The following BABAM2 variants were observed in gnomAD, a reference collection of about 807,000 sequenced individuals.
The protein encoded by BABAM2 is BRISC and BRCA1 A complex member 2, also known as BRISC and BRCA1-A complex member 2.
In BABAM2, 31 loss-of-function variants were observed where a neutral mutation model predicts 54.7. The observed-to-expected ratio is 0.57, with a 90% CI of 0.43 to 0.77. BABAM2 has a LOEUF of 0.77. BABAM2 is among the 30% of genes least tolerant of loss of function. The pLI, the probability that BABAM2 is intolerant of heterozygous loss-of-function variation, is 0.00. For missense variants in BABAM2, 364 were observed against 455.8 expected, an observed-to-expected ratio of 0.80 and a Z score of 1.83; for synonymous variants, 167 against 162.9, an observed-to-expected ratio of 1.03 and a Z score of -0.19.
chr2:28,172,096 TGTGTGTGTGTGTGTGTGTG>T (rs1313615339), intron 7 of BABAM2, among the ~76,000 whole-genome samples: 1 of 150,644 alleles, frequency 6.6e-6, no homozygotes, highest in African/African-American at 2.4e-5. Context: ...AATGTGTGTG[TGTGTGTGTGTGTGTGTGTG>T]GTGTGTGTGT....
At chr2:27,901,167 C>T (rs1436536226) in intron 2 of BABAM2, among the ~76,000 whole-genome samples, 1 of 151,974 alleles carries the variant, frequency 6.6e-6, no homozygotes, top group East Asian at 1.9e-4. Context: ...AGAATTATTC[C>T]ATGAGCTTAC....
At chr2:28,271,742 A>G (rs921072658) in intron 10 of BABAM2, among the ~76,000 whole-genome samples, 2 of 152,246 alleles carry the variant, frequency 1.3e-5, no homozygotes, top group African/African-American at 4.8e-5. Flanking sequence ...GGTACAATAC[A>G]GAAAGACTCT....
intron 11 of BABAM2, among the ~76,000 whole-genome samples, chr2:28,311,372 T>C (rs781417094): frequency 2.6e-5 from 4 of 151,988 alleles, no homozygotes; most frequent in Admixed American, 6.6e-5. Flanking sequence ...TCCTTGCTTG[T>C]GAGTTAGGGT....
At chr2:28,305,071 T>C (rs928850493) in intron 11 of BABAM2, among the ~76,000 whole-genome samples, 1 of 152,230 alleles carries the variant, frequency 6.6e-6, no homozygotes, top group African/African-American at 2.4e-5. Context: ...TTCCACCTAC[T>C]TGCACTGAAT....
At chr2:28,033,107 G>A (rs1452671855) in intron 5 of BABAM2, among the ~76,000 whole-genome samples, 2 of 151,978 alleles carry the variant, frequency 1.3e-5, no homozygotes, top group South Asian at 2.1e-4. Flanking sequence ...TTAAAGTGAC[G>A]AATTCCCATA....
intron 3 of BABAM2, among the ~76,000 whole-genome samples, chr2:27,976,345 A>C (rs1403810661): frequency 6.6e-6 from 1 of 152,158 alleles, no homozygotes; most frequent in African/African-American, 2.4e-5. Flanking sequence ...ACTATGGTAC[A>C]TCTGTACAAT....
intron 10 of BABAM2, among the ~76,000 whole-genome samples, chr2:28,288,420 G>A (rs933938832): frequency 2.0e-5 from 3 of 149,340 alleles, no homozygotes; most frequent in South Asian, 2.1e-4. Flanking sequence ...CCCCCTCCCC[G>A]GTTCAAGCAA....
Position 28,028,834 on chromosome 2 carries a change from T to C in BABAM2, c.495+3414T>C, listed in dbSNP as rs141474292. Among the ~76,000 whole-genome samples the C allele has an allele frequency of 4.2e-3, 638 of 152,300 alleles. 1 individual carries two copies. Among genetic ancestry groups the C allele is most frequent in the African/African-American group, 0.015 (606 of 41,546 alleles). On this transcript the variant is annotated intron_variant, in intron 5 of 11. Transcript: ENST00000379624. ...CAGGCTGGAGTGCAGTGGCGTACTC[T>C]CGGCTCACTGCAACCTCCGCCTCCT...
chr2:28,276,618 A>ATT (rs1685904353), intron 10 of BABAM2, among the ~76,000 whole-genome samples: 2 of 152,112 alleles, frequency 1.3e-5, no homozygotes, highest in Non-Finnish European at 1.5e-5. Context: ...CAAGTACTAA[A>ATT]TTGTCCTCAA....
chr2:28,271,852 C>A (rs1055239130), intron 10 of BABAM2, among the ~76,000 whole-genome samples: 1 of 152,210 alleles, frequency 6.6e-6, no homozygotes, highest in Admixed American at 6.5e-5. Context: ...ACCCTCAGCT[C>A]ATGACATTTA....
chr2:28,210,552 CAA>C (rs1417790078), intron 7 of BABAM2, among the ~76,000 whole-genome samples: 1 of 152,146 alleles, frequency 6.6e-6, no homozygotes, highest in Non-Finnish European at 1.5e-5. Flanking sequence ...CTTCACAACT[CAA>C]GAGAAAGATG....
intron 7 of BABAM2, among the ~76,000 whole-genome samples, chr2:28,139,348 A>C (rs889316225): frequency 1.3e-5 from 2 of 149,698 alleles, no homozygotes; most frequent in East Asian, 3.9e-4. Context: ...AAAAAAAAGA[A>C]AAAGAAAAAA....
chr2:27,942,990 C>T (rs1669040120), intron 3 of BABAM2, among the ~76,000 whole-genome samples: 1 of 151,788 alleles, frequency 6.6e-6, no homozygotes, highest in East Asian at 1.9e-4. Context: ...TTTGGTTTCA[C>T]TTCATTGCCC....
chr2:27,964,140 G>C (rs909478058), intron 3 of BABAM2, among the ~76,000 whole-genome samples: 5 of 152,170 alleles, frequency 3.3e-5, no homozygotes, highest in African/African-American at 1.2e-4. Context: ...GTTCCCAAGA[G>C]AGTGGGTTGT....
intron 2 of BABAM2, among the ~76,000 whole-genome samples, chr2:27,916,790 A>T (rs982944597): frequency 2.0e-5 from 3 of 152,100 alleles, no homozygotes; most frequent in African/African-American, 7.2e-5. Context: ...CCCAAGCTAA[A>T]AGTGGTTTCT....
chr2:28,125,124 C>T (rs1375563249), intron 6 of BABAM2, among the ~76,000 whole-genome samples: 1 of 152,026 alleles, frequency 6.6e-6, no homozygotes, highest in Non-Finnish European at 1.5e-5. Context: ...AGTTGCTCAG[C>T]CTCATTCATT....
In BABAM2 at chr2:28,309,910, C is replaced by T. The variant is rs1035564112; in HGVS notation, c.1088+11419C>T. 1.1e-5 allele frequency: 7 copies of T among 617,340 alleles called. No homozygotes were observed. The East Asian group carries it at 2.0e-4, about 17-fold the overall frequency. The allele number at this position is 617,340 out of a possible 1,614,324, so 38.2% of individuals were successfully genotyped here. A position where few individuals can be genotyped will look rare whatever the true frequency, so the allele number is the denominator to read the frequency against. On this transcript the variant is annotated intron_variant, in intron 11 of 11. Coordinates refer to ENST00000379624, the MANE Select transcript of BABAM2 (RefSeq NM_199191.3). ...GAATTGGGGACTGAGGTCACCAAGG[C>T]CTTCCATTCCGCACGAGCAAGCTCA...
chr2:28,177,099 C>T lies in BABAM2; in HGVS notation c.680+47719C>T, dbSNP rs555340555. ...TAAAATCCAAAAAGGTTCTTCCCTG[C>T]GGCACGTGATAGTCAAACTATCAAA... On this transcript the variant is annotated intron_variant, in intron 7 of 11. Transcript: ENST00000379624. 1.1e-4 allele frequency among the ~76,000 whole-genome samples: 17 copies of T among 152,058 alleles called. No individual in the cohort carries two copies. The East Asian group carries it at 2.9e-3, about 26-fold the overall frequency.
intron 3 of BABAM2, among the ~76,000 whole-genome samples, chr2:27,968,070 T>C (rs1389559776): frequency 6.6e-6 from 1 of 152,228 alleles, no homozygotes; most frequent in Non-Finnish European, 1.5e-5. Flanking sequence ...ACATAAGTAA[T>C]GAGGAGCCGA....
Sources: gnomAD v4.1 joint callset for allele counts (sites outside exome capture counted in the v4.1 genomes callset) on GRCh38, gnomAD v4.1.1 for gene constraint, MANE v1.5 for transcripts, NCBI Gene and HGNC (gene_info 2026-07-23, HGNC 2026-07-21) for gene names.